Variants in KLHL7 observed in about 807,000 individuals in gnomAD.
The protein encoded by KLHL7 is kelch like family member 7, also known as kelch-like protein 7.
KLHL7 carries 44 observed loss-of-function variants against 67.4 expected under a neutral mutation model. That is an observed-to-expected ratio of 0.65 (90% CI 0.51 to 0.84). The LOEUF is 0.84. Among genes scored for constraint, KLHL7 ranks in the 40% least tolerant of loss-of-function variants. The pLI is 0.00. For synonymous variants in KLHL7, 252 were observed against 243.3 expected (o/e 1.04, Z -0.33); for missense variants, 362 against 718.1 (o/e 0.50, Z 5.67).
chr7:23,126,015 C>G (rs1203451297), intron 4 of KLHL7: 1 of 708,308 alleles, frequency 1.4e-6, no homozygotes, highest in African/African-American at 1.7e-5. Flanking sequence ...AAAAGATTAA[C>G]AACAATAATA....
intron 7 of KLHL7, among the ~76,000 whole-genome samples, chr7:23,161,815 A>G (rs976077517): frequency 1.3e-5 from 2 of 152,228 alleles, no homozygotes; most frequent in Admixed American, 1.3e-4. Context: ...AATGGATGAT[A>G]TATACTTTTC....
At position 23,176,549 on chromosome 7, in the gene KLHL7, G is replaced by A. The variant is rs1228295348; in HGVS notation, c.*2251G>A. 6.6e-6 allele frequency: 1 copy of A among 152,282 alleles called. No individual in the cohort carries two copies. The highest frequency in any genetic ancestry group is 1.5e-5 in the Non-Finnish European group (1 of 68,220). 9.4% of individuals were successfully genotyped at this position (152,282 alleles called of 1,614,324 possible). On this transcript the variant is annotated 3_prime_UTR_variant, in exon 11 of 11. Transcript: ENST00000339077. ...AAGTTAGCAGGTGTGGTATATACCTGCAGTTCTAGCTACTCAGAAGGCTGA... is the reference window on the plus strand; with the variant it reads ...AAGTTAGCAGGTGTGGTATATACCTACAGTTCTAGCTACTCAGAAGGCTGA...
rs553193285 is a variant in KLHL7, at chr7:23,105,843, G to T, written c.-184G>T. The stretch of plus-strand genomic sequence containing the variant: ...CGTCGCTCCCTGAGCGTTTCTAAGG[G>T]GGCCGCCCGGCCTTGTCTTTCGGCA... On this transcript the variant is annotated 5_prime_UTR_variant, in exon 1 of 11. Transcript: ENST00000339077. 7.4e-5 allele frequency: 65 copies of T among 882,160 alleles called. No homozygotes were observed. Among genetic ancestry groups the T allele is most frequent in the South Asian group, 2.2e-4 (15 of 68,340 alleles). 54.6% of individuals were successfully genotyped at this position (882,160 alleles called of 1,614,324 possible).
chr7:23,128,422 TAAAAAAAAAAAAA>T (rs201757686), intron 4 of KLHL7, among the ~76,000 whole-genome samples: 27 of 116,940 alleles, frequency 2.3e-4, no homozygotes, highest in South Asian at 1.4e-3. Flanking sequence ...TCTTTGGGTT[TAAAAAAAAAAAAA>T]AAAAAAAAAA....
intron 4 of KLHL7, among the ~76,000 whole-genome samples, chr7:23,138,234 C>T (rs1056448537): frequency 1.3e-5 from 2 of 150,718 alleles, no homozygotes; most frequent in African/African-American, 2.4e-5. Context: ...AAGGCCAAGG[C>T]GGGTGGATCA....
chr7:23,171,129 T>A (rs1198621809), intron 9 of KLHL7: 1 of 323,232 alleles, frequency 3.1e-6, no homozygotes. Flanking sequence ...ATGGCCTCCA[T>A]CTCTTGACCT....
intron 2 of KLHL7, 144 bp downstream of exon 2, chr7:23,124,023 G>C (rs982222742): frequency 1.5e-6 from 1 of 665,428 alleles, no homozygotes; most frequent in Non-Finnish European, 2.6e-6. Flanking sequence ...AAAGTAGTCA[G>C]CTGATAACCA....
At chr7:23,118,343 G>C (rs917389459) in intron 1 of KLHL7, among the ~76,000 whole-genome samples, 1 of 152,208 alleles carries the variant, frequency 6.6e-6, no homozygotes, top group Non-Finnish European at 1.5e-5. Context: ...TCTAACTATA[G>C]GACATTGACC....
intron 1 of KLHL7, among the ~76,000 whole-genome samples, chr7:23,113,630 C>T (rs554846238): frequency 6.6e-6 from 1 of 152,198 alleles, no homozygotes; most frequent in South Asian, 2.1e-4. Context: ...CAGGAGTTCA[C>T]GACTAACCTG....
chr7:23,163,193 G>A (rs765068291), intron 7 of KLHL7, among the ~76,000 whole-genome samples: 2 of 151,798 alleles, frequency 1.3e-5, no homozygotes, highest in Non-Finnish European at 1.5e-5. Flanking sequence ...GTTTGGAGAC[G>A]GAGTTTCGCT....
intron 1 of KLHL7, chr7:23,106,503 T>C: frequency 8.7e-7 from 1 of 1,149,428 alleles, no homozygotes; most frequent in Non-Finnish European, 1.1e-6. Context: ...CCGTGAGATC[T>C]TGTGTGAAGA....
At chr7:23,168,796 A>C (rs768773774) in intron 9 of KLHL7, among the ~76,000 whole-genome samples, 20 of 152,212 alleles carry the variant, frequency 1.3e-4, no homozygotes, top group Non-Finnish European at 2.6e-4. Context: ...ATATGGCTGG[A>C]TTGCCCATCG....
At chr7:23,166,749 A>G (rs534857978) in intron 8 of KLHL7, among the ~76,000 whole-genome samples, 16 of 152,208 alleles carry the variant, frequency 1.1e-4, no homozygotes, top group Non-Finnish European at 2.2e-4. Flanking sequence ...ATAATGTAGA[A>G]TATTTCAAAT....
chr7:23,164,233 C>T (rs1452122563), intron 7 of KLHL7, among the ~76,000 whole-genome samples: 2 of 150,280 alleles, frequency 1.3e-5, no homozygotes, highest in Non-Finnish European at 3.0e-5. Context: ...CCATATAGCT[C>T]TCAAGTAATA....
chr7:23,163,168 CT>C (rs375346183), intron 7 of KLHL7, among the ~76,000 whole-genome samples: 13 of 149,384 alleles, frequency 8.7e-5, no homozygotes, highest in Non-Finnish European at 6.0e-5. Context: ...AGCTTTTACT[CT>C]TTTTTTTTTG....
rs1373780503 is a variant in KLHL7 at position 23,174,808 on chromosome 7, A to G, written c.*510A>G. ...TTTTATTTAGTGCCAAATGTATTCC[A>G]TTTTAAAAGTAAGCCAGAGTGAGTC... On this transcript the variant is annotated 3_prime_UTR_variant, in exon 11 of 11. Transcript: ENST00000339077. The G allele has an allele frequency of 4.4e-6, 2 of 454,454 alleles. No individual in the cohort carries two copies. Among genetic ancestry groups the G allele is most frequent in the Non-Finnish European group, 8.8e-6 (2 of 226,830 alleles). 28.2% of individuals were successfully genotyped at this position (454,454 alleles called of 1,614,324 possible). A position where few individuals can be genotyped will look rare whatever the true frequency, so the allele number is the denominator to read the frequency against.
chr7:23,126,938 C>G (rs1281936009), intron 4 of KLHL7, among the ~76,000 whole-genome samples: 2 of 152,162 alleles, frequency 1.3e-5, no homozygotes, highest in Non-Finnish European at 2.9e-5. Context: ...AGGCCAATCT[C>G]TAATCCTACC....
At chr7:23,126,550 T>A (rs893560098) in intron 4 of KLHL7, among the ~76,000 whole-genome samples, 1 of 151,506 alleles carries the variant, frequency 6.6e-6, no homozygotes, top group Non-Finnish European at 1.5e-5. Context: ...AGAAGAGGGG[T>A]GCTAAATGAC....
intron 8 of KLHL7, among the ~76,000 whole-genome samples, chr7:23,166,174 T>G (rs965364326): frequency 3.3e-5 from 5 of 152,244 alleles, no homozygotes; most frequent in African/African-American, 1.2e-4. Context: ...TTTATCATAA[T>G]GAAGCATTAG....
Sources: gnomAD v4.1 joint callset for allele counts (sites outside exome capture counted in the v4.1 genomes callset) on GRCh38, gnomAD v4.1.1 for gene constraint, MANE v1.5 for transcripts, NCBI Gene and HGNC (gene_info 2026-07-23, HGNC 2026-07-21) for gene names.